GALK2: variants seen among roughly 807,000 people sequenced by gnomAD.
GALK2 encodes galactokinase 2.
In GALK2, 36 loss-of-function variants were observed where a neutral mutation model predicts 52.4. The ratio of observed to expected loss-of-function variants is 0.69; its 90% CI spans 0.53 to 0.91. The LOEUF is 0.91. GALK2 is among the 40% of genes least tolerant of loss of function. The probability of loss-of-function intolerance (pLI) is 0.00; values close to 1 mark genes in which losing one functional copy is unlikely to be tolerated. For missense variants in GALK2, 579 were observed against 559.1 expected, an observed-to-expected ratio of 1.04 and a Z score of -0.36; for synonymous variants, 176 against 199.1, an observed-to-expected ratio of 0.88 and a Z score of 0.98.
At chr15:49,343,263 G>A (rs2041007826) in intron 3 of GALK2, among the ~76,000 whole-genome samples, 1 of 151,812 alleles carries the variant, frequency 6.6e-6, no homozygotes, top group African/African-American at 2.4e-5. Flanking sequence ...TGGTTATTTT[G>A]AAAGACTGGT....
At chr15:49,353,518 T>C (rs968479993) in intron 3 of GALK2, 2 of 152,108 alleles carry the variant, frequency 1.3e-5, no homozygotes, top group African/African-American at 4.8e-5. Flanking sequence ...TCACATTTCA[T>C]CAAGTTAACG....
chr15:49,273,358 T>C (rs2031060934), intron 5 of GALK2, among the ~76,000 whole-genome samples: 2 of 152,206 alleles, frequency 1.3e-5, no homozygotes, highest in Admixed American at 1.3e-4. Flanking sequence ...CTGTATTATT[T>C]ACAGGAACTT....
chr15:49,186,742 T>A (rs1180689986), intron 1 of GALK2, among the ~76,000 whole-genome samples: 3 of 152,130 alleles, frequency 2.0e-5, no homozygotes, highest in African/African-American at 7.2e-5. Context: ...TTTCACCATG[T>A]TGGCCAGGAT....
intron 2 of GALK2, among the ~76,000 whole-genome samples, chr15:49,216,259 C>G (rs1243482277): frequency 5.9e-5 from 9 of 152,110 alleles, no homozygotes; most frequent in Non-Finnish European, 1.3e-4. Context: ...GCAGGTGAAT[C>G]CTGCCAAGAC....
At chr15:49,181,758 G>T (rs916699546) in intron 1 of GALK2, among the ~76,000 whole-genome samples, 1 of 151,788 alleles carries the variant, frequency 6.6e-6, no homozygotes, top group African/African-American at 2.4e-5. Flanking sequence ...ATTGAAAAAA[G>T]TACTGTATAT....
intron 2 of GALK2, among the ~76,000 whole-genome samples, chr15:49,204,843 G>A (rs73392219): frequency 0.018 from 2,735 of 152,084 alleles, 75 homozygotes; most frequent in African/African-American, 0.06. Context: ...CTTCTATCCC[G>A]CGCTCCCCTC....
At chr15:49,228,688 T>TATATATATATATATATATG in intron 3 of GALK2, among the ~76,000 whole-genome samples, 2 of 10,444 alleles carry the variant, frequency 1.9e-4, no homozygotes, top group Non-Finnish European at 1.8e-4. Context: ...TATATATATA[T>TATATATATATATATATATG]TTTTTTTTTT....
At chr15:49,203,121 G>C (rs970795836) in intron 2 of GALK2, among the ~76,000 whole-genome samples, 1 of 151,970 alleles carries the variant, frequency 6.6e-6, no homozygotes. Context: ...CACGATCTGG[G>C]CTCACTGCAA....
At chr15:49,196,156 T>C (rs1282161519) in intron 1 of GALK2, among the ~76,000 whole-genome samples, 1 of 152,142 alleles carries the variant, frequency 6.6e-6, no homozygotes, top group Non-Finnish European at 1.5e-5. Context: ...ATCATTACTT[T>C]CTGTTCTTAT....
At chr15:49,191,895 G>A (rs1463291350) in intron 1 of GALK2, among the ~76,000 whole-genome samples, 3 of 151,572 alleles carry the variant, frequency 2.0e-5, no homozygotes, top group Non-Finnish European at 4.4e-5. Flanking sequence ...TTTATTAATT[G>A]GCATTCTACT....
chr15:49,252,416 G>A (rs559263480), intron 5 of GALK2, among the ~76,000 whole-genome samples: 3 of 151,832 alleles, frequency 2.0e-5, no homozygotes, highest in Non-Finnish European at 4.4e-5. Flanking sequence ...TCTAATATAC[G>A]GTCATACTAT....
rs1038159829 is a variant in GALK2 at position 49,331,554 on chromosome 15, G to A, written c.*3395G>A. ...TTGGAGCTTTTCAGTTACATAAACTGTTCCTGGTCAGAAGCTGGAAATGGG... is the reference window on the plus strand; with the variant it reads ...TTGGAGCTTTTCAGTTACATAAACTATTCCTGGTCAGAAGCTGGAAATGGG... On this transcript the variant is annotated 3_prime_UTR_variant, in exon 10 of 10. Transcript: ENST00000560031. 9 of 477,826 alleles carry A rather than the reference G, an allele frequency of 1.9e-5. No homozygotes were observed. The highest frequency in any genetic ancestry group is 1.8e-5 in the Non-Finnish European group (5 of 270,290). 29.6% of individuals were successfully genotyped at this position (477,826 alleles called of 1,614,324 possible).
rs547985908 is a variant in GALK2, at chr15:49,316,353, CTT to C, written c.968-3249_968-3248del. Among the ~76,000 whole-genome samples, 3 of 150,828 alleles carry C rather than the reference CTT, an allele frequency of 2.0e-5. No homozygotes were observed. In the South Asian group the frequency reaches 6.3e-4, roughly 31 times the overall value. On this transcript the variant is annotated intron_variant, in intron 8 of 9. Transcript: ENST00000560031. Reference sequence around the variant, plus strand: ...TGGAGGGGAAAAATGAAACCTGAAACTTTAATAAGATTTATTGGTTCAAACAC... The same window carrying C: ...TGGAGGGGAAAAATGAAACCTGAAACTAATAAGATTTATTGGTTCAAACAC...
At chr15:49,175,119 C>T (rs2085352164) in intron 1 of GALK2, among the ~76,000 whole-genome samples, 1 of 152,162 alleles carries the variant, frequency 6.6e-6, no homozygotes, top group Non-Finnish European at 1.5e-5. Flanking sequence ...ATATATGTAA[C>T]ATACATCCCA....
intron 3 of GALK2, among the ~76,000 whole-genome samples, chr15:49,342,638 T>G (rs1358157922): frequency 6.6e-6 from 1 of 152,202 alleles, no homozygotes. Context: ...TGGCTATATA[T>G]TCAAGGGTGT....
chr15:49,294,079 C>T (rs896113819), intron 8 of GALK2, among the ~76,000 whole-genome samples: 1 of 140,986 alleles, frequency 7.1e-6, no homozygotes, highest in Admixed American at 7.5e-5. Context: ...CAGGGGGAGA[C>T]CCTGTCTCAA....
intron 3 of GALK2, among the ~76,000 whole-genome samples, chr15:49,228,682 T>TATATATATATATATATAC (rs1555409030): frequency 6.9e-5 from 1 of 14,558 alleles, no homozygotes; most frequent in African/African-American, 2.9e-4. Flanking sequence ...TATATATATA[T>TATATATATATATATATAC]ATATATTTTT....
chr15:49,300,851 T>C (rs1255189764), intron 8 of GALK2, among the ~76,000 whole-genome samples: 1 of 152,172 alleles, frequency 6.6e-6, no homozygotes, highest in Non-Finnish European at 1.5e-5. Flanking sequence ...CCTTTATAAA[T>C]TACTCAGTCT....
intron 5 of GALK2, among the ~76,000 whole-genome samples, chr15:49,249,856 G>A (rs956519019): frequency 2.0e-5 from 3 of 152,200 alleles, no homozygotes; most frequent in Admixed American, 6.6e-5. Context: ...GTTATAGCCT[G>A]TTCCTCTTCC....
Sources: gnomAD v4.1 joint callset for allele counts (sites outside exome capture counted in the v4.1 genomes callset) on GRCh38, gnomAD v4.1.1 for gene constraint, MANE v1.5 for transcripts, NCBI Gene and HGNC (gene_info 2026-07-23, HGNC 2026-07-21) for gene names.